Variants in XRCC4 observed in about 807,000 individuals in gnomAD.
XRCC4 encodes the protein X-ray repair cross complementing 4.
A neutral mutation model predicts 39.1 loss-of-function variants in XRCC4; 28 were observed. That is an observed-to-expected ratio of 0.72 (90% CI 0.53 to 0.98). The LOEUF (loss-of-function observed/expected upper bound fraction) is 0.98, where lower values mean the gene tolerates loss of function less well. Among genes scored for constraint, XRCC4 ranks in the 50% least tolerant of loss-of-function variants. The probability of loss-of-function intolerance (pLI) is 0.00; values close to 1 mark genes in which losing one functional copy is unlikely to be tolerated. For synonymous variants in XRCC4, 123 were observed against 126.4 expected, an observed-to-expected ratio of 0.97 and a Z score of 0.18; for missense variants, 350 against 376.4, an observed-to-expected ratio of 0.93 and a Z score of 0.58.
chr5:83,185,160 C>T (rs1750378871), intron 3 of XRCC4, among the ~76,000 whole-genome samples: 1 of 151,858 alleles, frequency 6.6e-6, no homozygotes, highest in Non-Finnish European at 1.5e-5. Flanking sequence ...GTGTTATCAG[C>T]TATAGTGTAG....
chr5:83,206,040 TGA>T (rs1751408273), intron 6 of XRCC4, among the ~76,000 whole-genome samples: 1 of 152,064 alleles, frequency 6.6e-6, no homozygotes, highest in African/African-American at 2.4e-5. Context: ...GGAAATGAGA[TGA>T]GAGAGATGAT....
chr5:83,103,009 G>GATATATATATATATAATATATATATAT (rs1746013370), intron 1 of XRCC4, among the ~76,000 whole-genome samples: 1 of 106,464 alleles, frequency 9.4e-6, no homozygotes, highest in African/African-American at 3.9e-5. Flanking sequence ...AGATAGAGCT[G>GATATATATATATATAATATATATATAT]ATATATATAT....
chr5:83,098,012 C>A (rs1745757931), intron 1 of XRCC4, among the ~76,000 whole-genome samples: 1 of 112,616 alleles, frequency 8.9e-6, no homozygotes, highest in African/African-American at 4.0e-5. Flanking sequence ...CTTTTTAATA[C>A]CCACTTATAG....
intron 7 of XRCC4, among the ~76,000 whole-genome samples, chr5:83,345,286 T>C (rs1756884396): frequency 6.6e-6 from 1 of 152,278 alleles, no homozygotes; most frequent in East Asian, 1.9e-4. Context: ...AACTTTCTTA[T>C]TTCAAGGTAA....
chr5:83,308,266 A>G (rs1755558423), intron 7 of XRCC4, among the ~76,000 whole-genome samples: 1 of 152,352 alleles, frequency 6.6e-6, no homozygotes, highest in South Asian at 2.1e-4. Context: ...CATTCTCAGC[A>G]TTCCATTTCA....
At chr5:83,154,160 G>A (rs1363024796) in intron 3 of XRCC4, among the ~76,000 whole-genome samples, 3 of 152,052 alleles carry the variant, frequency 2.0e-5, no homozygotes, top group Admixed American at 1.3e-4. Context: ...GGATACAAAT[G>A]CACGTCCCTT....
chr5:83,356,103 T>G (rs1757187126), downstream of XRCC4, among the ~76,000 whole-genome samples: 1 of 151,588 alleles, frequency 6.6e-6, no homozygotes, highest in Admixed American at 6.6e-5. Flanking sequence ...AACTTTTAAA[T>G]ATATGAAATT....
chr5:83,359,636 G>T, the XRCC4 span, among the ~76,000 whole-genome samples: 3 of 152,188 alleles, frequency 2.0e-5, no homozygotes, highest in Non-Finnish European at 4.4e-5. Context: ...TGTTTTATTA[G>T]TCGAATGGTT....
intron 3 of XRCC4, among the ~76,000 whole-genome samples, chr5:83,163,636 G>A (rs1749324708): frequency 1.3e-5 from 2 of 152,172 alleles, no homozygotes; most frequent in South Asian, 4.1e-4. Context: ...ACTCCTACGA[G>A]TCTATGACAG....
At chr5:83,094,344 TCCCCTCTCTTCCCCTCCTTTCCC>T (rs1745573334) in intron 1 of XRCC4, among the ~76,000 whole-genome samples, 1 of 85,676 alleles carries the variant, frequency 1.2e-5, no homozygotes, top group African/African-American at 5.0e-5. Flanking sequence ...TTCCCTCCGC[TCCCCTCTCTTCCCCTCCTTTCCC>T]CTCCCCTCTC....
intron 7 of XRCC4, among the ~76,000 whole-genome samples, chr5:83,334,318 A>G (rs971867005): frequency 6.6e-6 from 1 of 152,168 alleles, no homozygotes; most frequent in African/African-American, 2.4e-5. Flanking sequence ...CAGGAACTGT[A>G]GTGTTATAGT....
intron 3 of XRCC4, among the ~76,000 whole-genome samples, chr5:83,141,426 CAT>C (rs1748168204): frequency 6.6e-6 from 1 of 152,184 alleles, no homozygotes; most frequent in East Asian, 1.9e-4. Flanking sequence ...CCACTAGTAA[CAT>C]ATGAAATTGC....
chr5:83,149,066 G>A (rs1387198653), intron 3 of XRCC4, among the ~76,000 whole-genome samples: 1 of 152,118 alleles, frequency 6.6e-6, no homozygotes, highest in Admixed American at 6.5e-5. Context: ...GAAACATAGT[G>A]CATTTTGCTT....
intron 6 of XRCC4, among the ~76,000 whole-genome samples, chr5:83,229,403 G>T (rs1197977449): frequency 1.3e-5 from 2 of 151,644 alleles, no homozygotes; most frequent in Admixed American, 6.6e-5. Context: ...TAAAATTTCT[G>T]CAGCCAGTAA....
chr5:83,365,424 T>G, the XRCC4 span, among the ~76,000 whole-genome samples: 1 of 152,246 alleles, frequency 6.6e-6, no homozygotes, highest in East Asian at 1.9e-4. Context: ...ATAAAACAAG[T>G]AAAATGTTTT....
chr5:83,221,342 T>TG (rs1283566291), intron 6 of XRCC4, among the ~76,000 whole-genome samples: 1 of 152,114 alleles, frequency 6.6e-6, no homozygotes, highest in Non-Finnish European at 1.5e-5. Flanking sequence ...AAAGAACTGA[T>TG]GCACATAAAG....
rs529382781 is a variant in XRCC4, at chr5:83,352,729, G to T, written c.894-402G>T. 1.9e-3 allele frequency among the ~76,000 whole-genome samples: 288 copies of T among 152,286 alleles called. 1 individual carries two copies. Among genetic ancestry groups the T allele is most frequent in the African/African-American group, 6.8e-3 (284 of 41,556 alleles). On this transcript the variant is annotated intron_variant, in intron 7 of 7. Transcript: ENST00000396027. ...TGACCAAAACTTTCTGCTGCTAAGA[G>T]ATTAAAATGCATGTTAATCAGTAGA...
intron 3 of XRCC4, among the ~76,000 whole-genome samples, chr5:83,122,004 G>A (rs1461039259): frequency 6.6e-6 from 1 of 151,996 alleles, no homozygotes; most frequent in Non-Finnish European, 1.5e-5. Context: ...GGTCTATATT[G>A]GGACTCTATA....
At chr5:83,114,932 C>T (rs925328423) in intron 3 of XRCC4, among the ~76,000 whole-genome samples, 1 of 152,148 alleles carries the variant, frequency 6.6e-6, no homozygotes, top group Non-Finnish European at 1.5e-5. Flanking sequence ...GGGGAGGCCT[C>T]ATAATCATGG....
Sources: allele counts gnomAD v4.1 joint callset (sites outside exome capture counted in the v4.1 genomes callset), GRCh38; gene constraint gnomAD v4.1.1; transcripts MANE v1.5; gene names NCBI Gene and HGNC (gene_info 2026-07-23, HGNC 2026-07-21).